DENND4A: variants seen among roughly 807,000 people sequenced by gnomAD.
DENND4A encodes DENN domain containing 4A.
A neutral mutation model predicts 199.3 loss-of-function variants in DENND4A; 70 were observed. The ratio of observed to expected loss-of-function variants is 0.35; its 90% CI spans 0.29 to 0.43. DENND4A has a LOEUF of 0.43. Ranked by LOEUF, DENND4A falls within the 20% of genes least tolerant of loss-of-function variation. The pLI is 1.00. For missense variants in DENND4A, 1,723 were observed against 2,255.8 expected, an observed-to-expected ratio of 0.76 and a Z score of 4.78; for synonymous variants, 686 against 766.9, an observed-to-expected ratio of 0.89 and a Z score of 1.74.
chr15:65,696,442 A>G lies in DENND4A; in HGVS notation c.3006T>C (p.Tyr1002=). 6.2e-7 allele frequency: 1 copy of G among 1,612,884 alleles called. No homozygotes were observed. Among genetic ancestry groups the G allele is most frequent in the Non-Finnish European group, 8.5e-7 (1 of 1,179,202 alleles). The part of the protein sequence containing the change: ...GSADCLPKLS[Y]QNSSSIVRLT... ...GGCGAACGATACTGGAAGAATTTTG[A>G]TAACTGAGCTTAGGAAGGCAATCAG... Residue 1002 remains tyrosine, a synonymous_variant, in exon 22 of 33, where the codon TAT becomes TAC. Coordinates refer to ENST00000443035, the MANE Select transcript of DENND4A (RefSeq NM_001320835.1).
At chr15:65,714,035 C>T (rs150031718) in intron 14 of DENND4A, among the ~76,000 whole-genome samples, 1 of 152,244 alleles carries the variant, frequency 6.6e-6, no homozygotes, top group Non-Finnish European at 1.5e-5. Context: ...TACAGCAAAT[C>T]TCCAATTCTA....
Position 65,702,501 on chromosome 15 carries a change from G to T in DENND4A, c.2234C>A (p.Ser745Ter). ...GTACCTCTTTGCAATTTTATGGGCTGATTTAATTTCCTGGAAAAAATATAA... is the reference window on the plus strand; with the variant it reads ...GTACCTCTTTGCAATTTTATGGGCTTATTTAATTTCCTGGAAAAAATATAA... ...MFRRTKQEIK[S>*]AHKIAKRYSS... The change falls in exon 17 of 33, where the codon TCA becomes TAA. Residue 745 changes from serine (S) to a stop codon, truncating the protein, a stop_gained. Transcript: ENST00000443035. LOFTEE classifies it high-confidence loss of function. 6.3e-7 allele frequency: 1 copy of T among 1,580,894 alleles called. No homozygotes were observed. Among genetic ancestry groups the T allele is most frequent in the Non-Finnish European group, 8.6e-7 (1 of 1,163,198 alleles).
In DENND4A at chr15:65,676,459, G is replaced by C. The variant is rs1566991717; in HGVS notation, c.4355C>G (p.Ser1452Cys). 5.0e-6 allele frequency: 8 copies of C among 1,606,286 alleles called. No individual in the cohort carries two copies. The highest frequency in any genetic ancestry group is 6.8e-6 in the Non-Finnish European group (8 of 1,175,924). Residue 1452 changes from serine (S) to cysteine (C), a missense_variant, in exon 24 of 33, where the codon TCT (serine) becomes TGT (cysteine). Physicochemically the swap from Ser to Cys is moderately radical, Grantham distance 112 (BLOSUM62 -1). Transcript: ENST00000443035. ...IDLSRISLES[S>C]ASLEGSLSKF... Reference sequence around the variant, plus strand: ...TTTGGACAAACCTTCCAAGGATGCAGAACTTTCCAGGCTTATTCGGCTGAG... The same window carrying C: ...TTTGGACAAACCTTCCAAGGATGCACAACTTTCCAGGCTTATTCGGCTGAG...
chr15:65,719,438 G>A (rs1186569850), intron 12 of DENND4A: 1 of 151,518 alleles, frequency 6.6e-6, no homozygotes, highest in Non-Finnish European at 1.5e-5. Flanking sequence ...TAGTAAACAT[G>A]TAATTTTATA....
chr15:65,671,832 T>A lies in DENND4A; in HGVS notation c.4424A>T (p.Asn1475Ile). 6.2e-7 allele frequency: 1 copy of A among 1,613,052 alleles called. No individual in the cohort carries two copies. The highest frequency in any genetic ancestry group is 8.5e-7 in the Non-Finnish European group (1 of 1,178,992). ...PGKSEVTSSF[N>I]ASNTNIFQNY... ...CTGGAAGATATTTGTATTACTCGCG[T>A]TGAAGGAAGATGTCACTTCTGATTT... Residue 1475 changes from asparagine to isoleucine, a missense_variant, in exon 25 of 33, where the codon AAC becomes ATC. Physicochemically the swap from Asn to Ile is moderately radical, Grantham distance 149. Around this residue, in one of 6 missense-constraint regions of DENND4A, gnomAD observed 650 missense variants for 738.1 expected, o/e 0.88. Coordinates refer to ENST00000443035, the MANE Select transcript of DENND4A (RefSeq NM_001320835.1).
At chr15:65,712,925 A>T (rs2142337123) in intron 14 of DENND4A, among the ~76,000 whole-genome samples, 1 of 152,292 alleles carries the variant, frequency 6.6e-6, no homozygotes, top group African/African-American at 2.4e-5. Context: ...AAATTTAAGC[A>T]CAGTATAAGT....
chr15:65,788,523 A>G (rs2077628487), intron 1 of DENND4A, among the ~76,000 whole-genome samples: 1 of 152,122 alleles, frequency 6.6e-6, no homozygotes, highest in South Asian at 2.1e-4. Context: ...TGGGATTTTC[A>G]GTATTTTCTC....
At chr15:65,778,451 C>T (rs1156712461) in intron 1 of DENND4A, among the ~76,000 whole-genome samples, 2 of 125,876 alleles carry the variant, frequency 1.6e-5, no homozygotes, top group Non-Finnish European at 1.6e-5. Flanking sequence ...ATACAGTGAC[C>T]TAAAAAAAAA....
chr15:65,770,077 T>G (rs1245602780), intron 1 of DENND4A, among the ~76,000 whole-genome samples: 4 of 152,172 alleles, frequency 2.6e-5, no homozygotes, highest in Non-Finnish European at 5.9e-5. Context: ...TAAGTTACTA[T>G]TCTACCTGCT....
chr15:65,747,213 C>T (rs1207490000), intron 4 of DENND4A, among the ~76,000 whole-genome samples: 1 of 152,014 alleles, frequency 6.6e-6, no homozygotes, highest in Non-Finnish European at 1.5e-5. Flanking sequence ...GCTACCTGGA[C>T]TAAATATTCT....
chr15:65,693,259 T>C (rs2077035009), intron 22 of DENND4A, among the ~76,000 whole-genome samples: 1 of 152,128 alleles, frequency 6.6e-6, no homozygotes, highest in African/African-American at 2.4e-5. Flanking sequence ...AATTATTTCC[T>C]GAAAAAAGAA....
At chr15:65,721,644 A>G (rs1376482528) in intron 12 of DENND4A, among the ~76,000 whole-genome samples, 11 of 150,826 alleles carry the variant, frequency 7.3e-5, no homozygotes, top group African/African-American at 2.7e-4. Context: ...CTCTGTCACC[A>G]AGGATGGAGT....
At chr15:65,689,803 T>G (rs28444423) in intron 23 of DENND4A, among the ~76,000 whole-genome samples, 85,017 of 151,936 alleles carry the variant, frequency 0.56, 26,181 homozygotes, top group African/African-American at 0.82. Flanking sequence ...AACCCACAAG[T>G]TCCCAAAACT....
intron 4 of DENND4A, among the ~76,000 whole-genome samples, chr15:65,748,599 G>C (rs945937527): frequency 6.6e-6 from 1 of 150,432 alleles, no homozygotes; most frequent in Non-Finnish European, 1.5e-5. Context: ...TCCAGCCTGG[G>C]TGACAGAACA....
At chr15:65,788,389 G>C (rs940942456) in intron 1 of DENND4A, among the ~76,000 whole-genome samples, 1 of 152,134 alleles carries the variant, frequency 6.6e-6, no homozygotes, top group Admixed American at 6.5e-5. Flanking sequence ...CTGGTTAAGA[G>C]AACACCTTCA....
chr15:65,707,689 A>AT (rs199600831), intron 14 of DENND4A, among the ~76,000 whole-genome samples: 10,624 of 144,588 alleles, frequency 0.073, 373 homozygotes, highest in African/African-American at 0.1. Flanking sequence ...ACATATTATG[A>AT]TTTTTTTTTT....
chr15:65,716,615 C>T (rs1185491209), intron 13 of DENND4A, among the ~76,000 whole-genome samples: 3 of 151,962 alleles, frequency 2.0e-5, no homozygotes, highest in Admixed American at 6.6e-5. Context: ...ATGGTATATA[C>T]GTGCCACATT....
chr15:65,663,209 TTTA>T (rs2075924226), intron 32 of DENND4A, among the ~76,000 whole-genome samples: 3 of 145,794 alleles, frequency 2.1e-5, no homozygotes, highest in African/African-American at 7.6e-5. Flanking sequence ...TTTTTTTTTT[TTTA>T]TTTTTTTTTT....
chr15:65,669,408 G>C (rs566645182), intron 27 of DENND4A, among the ~76,000 whole-genome samples: 1 of 152,092 alleles, frequency 6.6e-6, no homozygotes, highest in African/African-American at 2.4e-5. Context: ...ATATTCCCTA[G>C]GTAGAAAATT....
Sources: allele counts gnomAD v4.1 joint callset (sites outside exome capture counted in the v4.1 genomes callset), GRCh38; gene constraint gnomAD v4.1.1; regional missense constraint gnomAD v4.1.1; transcripts MANE v1.5; gene names NCBI Gene and HGNC (gene_info 2026-07-23, HGNC 2026-07-21).